The following PTPRM variants were observed in gnomAD, a reference collection of about 807,000 sequenced individuals.
The protein encoded by PTPRM is protein tyrosine phosphatase receptor type M.
A neutral mutation model predicts 186.7 loss-of-function variants in PTPRM; 47 were observed. That is an observed-to-expected ratio of 0.25 (90% CI 0.20 to 0.32). The LOEUF (loss-of-function observed/expected upper bound fraction) is 0.32. Among genes scored for constraint, PTPRM ranks in the 10% least tolerant of loss-of-function variants. The pLI, the probability that PTPRM is intolerant of heterozygous loss-of-function variation, is 1.00. For synonymous variants in PTPRM, 668 were observed against 674.9 expected (o/e 0.99, Z 0.16); for missense variants, 1,494 against 1,865.0 (o/e 0.80, Z 3.66).
At chr18:7,595,365 G>A (rs1001151302) in intron 1 of PTPRM, among the ~76,000 whole-genome samples, 4 of 152,130 alleles carry the variant, frequency 2.6e-5, no homozygotes, top group African/African-American at 9.7e-5. Context: ...AGGAGGAATT[G>A]GCTGCAAAAT....
In PTPRM at chr18:7,659,010, G is replaced by A. The variant is rs137872641; in HGVS notation, c.73+91119G>A. Among the ~76,000 whole-genome samples the A allele has an allele frequency of 3.2e-3, 492 of 152,156 alleles. 2 individuals are homozygous for A. The highest frequency in any genetic ancestry group is 5.7e-3 in the Non-Finnish European group (389 of 68,016). The stretch of plus-strand genomic sequence containing the variant: ...GAAGCTCTCCCCAGTTCTGCAGACA[G>A]CTACCATTTCCATATTCAGGTCTTC... On this transcript the variant is annotated intron_variant, in intron 1 of 32. Transcript: ENST00000580170.
At position 7,737,811 on chromosome 18, in the gene PTPRM, C is replaced by A. The variant is rs557622259; in HGVS notation, c.74-36338C>A. On this transcript the variant is annotated intron_variant, in intron 1 of 32. Transcript: ENST00000580170. ...AGGGGCAATGAGACACGCTGAAAAC[C>A]AAAACCTGGATTCTGATAGGCTCTG... Among the ~76,000 whole-genome samples the A allele has an allele frequency of 1.3e-3, 197 of 152,280 alleles. 2 individuals carry two copies. Among genetic ancestry groups the A allele is most frequent in the African/African-American group, 4.5e-3 (188 of 41,552 alleles).
intron 9 of PTPRM, among the ~76,000 whole-genome samples, chr18:8,077,118 T>C (rs576893302): frequency 2.6e-5 from 4 of 152,290 alleles, no homozygotes; most frequent in African/African-American, 9.6e-5. Context: ...TTTGATGAAT[T>C]GTTCAAGGAA....
chr18:7,690,116 C>A (rs898501081), intron 1 of PTPRM, among the ~76,000 whole-genome samples: 1 of 152,134 alleles, frequency 6.6e-6, no homozygotes, highest in African/African-American at 2.4e-5. Context: ...AGCAGCAAAT[C>A]CTGAATTGTG....
intron 3 of PTPRM, among the ~76,000 whole-genome samples, chr18:7,902,982 C>G (rs1264972666): frequency 6.6e-6 from 1 of 152,076 alleles, no homozygotes; most frequent in East Asian, 1.9e-4. Flanking sequence ...ACACTATGTT[C>G]TAAAAGGTAA....
At chr18:7,899,978 A>G (rs941889146) in intron 3 of PTPRM, among the ~76,000 whole-genome samples, 2 of 151,820 alleles carry the variant, frequency 1.3e-5, no homozygotes, top group Non-Finnish European at 2.9e-5. Context: ...TCTTCTTCTC[A>G]TTGCTAGAAT....
At chr18:8,226,336 A>G (rs2094214057) in intron 14 of PTPRM, among the ~76,000 whole-genome samples, 1 of 151,496 alleles carries the variant, frequency 6.6e-6, no homozygotes, top group Admixed American at 6.6e-5. Flanking sequence ...TTTGCTTTCT[A>G]CATTCTTATT....
At chr18:7,825,521 G>A (rs2045439028) in intron 2 of PTPRM, among the ~76,000 whole-genome samples, 1 of 152,038 alleles carries the variant, frequency 6.6e-6, no homozygotes, top group South Asian at 2.1e-4. Flanking sequence ...TGGAGGATAG[G>A]TATATAAAAG....
At chr18:7,704,022 T>G (rs1373719598) in intron 1 of PTPRM, among the ~76,000 whole-genome samples, 5 of 152,134 alleles carry the variant, frequency 3.3e-5, no homozygotes, top group Non-Finnish European at 7.4e-5. Context: ...AGGGATGAAG[T>G]CGACTTTATC....
intron 1 of PTPRM, among the ~76,000 whole-genome samples, chr18:7,595,477 G>A (rs1006637521): frequency 6.6e-6 from 1 of 152,136 alleles, no homozygotes; most frequent in African/African-American, 2.4e-5. Flanking sequence ...TTTTGTTCTG[G>A]CATAGTTAAT....
At chr18:8,112,550 C>T (rs2145698096) in intron 11 of PTPRM, among the ~76,000 whole-genome samples, 1 of 152,348 alleles carries the variant, frequency 6.6e-6, no homozygotes, top group Non-Finnish European at 1.5e-5. Flanking sequence ...CTAATCTGGA[C>T]TCAGTTCAGG....
At chr18:7,812,306 T>TAGA (rs2044566793) in intron 2 of PTPRM, among the ~76,000 whole-genome samples, 1 of 152,218 alleles carries the variant, frequency 6.6e-6, no homozygotes, top group South Asian at 2.1e-4. Context: ...TAGATTCTCT[T>TAGA]AGGTGCATTG....
chr18:7,682,839 G>A (rs575923827), intron 1 of PTPRM, among the ~76,000 whole-genome samples: 5 of 152,082 alleles, frequency 3.3e-5, no homozygotes, highest in South Asian at 2.1e-4. Flanking sequence ...TTGGGCATTG[G>A]GGGGGTGCAA....
chr18:7,914,496 G>A (rs1761475516), intron 4 of PTPRM, among the ~76,000 whole-genome samples: 1 of 151,994 alleles, frequency 6.6e-6, no homozygotes, highest in Non-Finnish European at 1.5e-5. Context: ...AATCTCATTT[G>A]TATAAGAAGA....
intron 1 of PTPRM, among the ~76,000 whole-genome samples, chr18:7,711,286 C>T (rs141453948): frequency 0.028 from 4,215 of 152,278 alleles, 75 homozygotes; most frequent in Non-Finnish European, 0.04. Context: ...CCGTGAGGGA[C>T]GGTGCACTCT....
At chr18:7,623,120 A>G (rs2037979734) in intron 1 of PTPRM, among the ~76,000 whole-genome samples, 1 of 152,012 alleles carries the variant, frequency 6.6e-6, no homozygotes, top group Non-Finnish European at 1.5e-5. Context: ...GGAAATTATA[A>G]TTTTTCTATT....
chr18:7,905,050 A>G (rs990901659), intron 3 of PTPRM, among the ~76,000 whole-genome samples: 4 of 151,574 alleles, frequency 2.6e-5, no homozygotes, highest in East Asian at 1.9e-4. Flanking sequence ...CTGGAGTGCA[A>G]TGGCACAATC....
intron 14 of PTPRM, among the ~76,000 whole-genome samples, chr18:8,164,601 A>G (rs1816383421): frequency 6.6e-6 from 1 of 152,208 alleles, no homozygotes; most frequent in African/African-American, 2.4e-5. Flanking sequence ...CAGTCACAGG[A>G]AGACAAATAC....
rs1277340801 is a variant in PTPRM, at chr18:7,840,141, C to A, written c.197-47965C>A. 2.0e-5 allele frequency among the ~76,000 whole-genome samples: 3 copies of A among 151,784 alleles called. 1 individual carries two copies. The highest frequency in any genetic ancestry group is 1.3e-4 in the Admixed American group (2 of 15,244). ...GGGTGGTGTCCTTGGCAATTCAAGA[C>A]TGTTTTTCCCACCTCTTCAGTGCCT... On this transcript the variant is annotated intron_variant, in intron 2 of 32. Transcript: ENST00000580170.
Sources: gnomAD v4.1 joint callset for allele counts (sites outside exome capture counted in the v4.1 genomes callset) on GRCh38, gnomAD v4.1.1 for gene constraint, MANE v1.5 for transcripts, NCBI Gene and HGNC (gene_info 2026-07-23, HGNC 2026-07-21) for gene names.